The following ERBB4 variants were observed in gnomAD, a reference collection of about 807,000 sequenced individuals.
ERBB4 encodes erb-b2 receptor tyrosine kinase 4, also known as receptor tyrosine-protein kinase erbB-4.
ERBB4 carries 42 observed loss-of-function variants against 158.0 expected under a neutral mutation model. The observed-to-expected ratio is 0.27, with a 90% CI of 0.21 to 0.34. The LOEUF (loss-of-function observed/expected upper bound fraction) is 0.34. ERBB4 is among the 10% of genes least tolerant of loss of function. The pLI is 1.00. For synonymous variants in ERBB4, 583 were observed against 558.7 expected (o/e 1.04, Z -0.61); for missense variants, 1,333 against 1,624.1 (o/e 0.82, Z 3.08).
Position 212,015,044 on chromosome 2 carries a change from ATATATAT to A in ERBB4, c.235-67435_235-67429del, listed in dbSNP as rs2076485144. 1.2e-3 allele frequency among the ~76,000 whole-genome samples: 5 copies of A among 4,114 alleles called. 1 individual carries two copies. The highest frequency in any genetic ancestry group is 3.4e-3 in the African/African-American group (5 of 1,490). The allele number at this position is 4,114 out of a possible 152,430, so 2.7% of individuals were successfully genotyped here. ...CGTCTCTACTAAAAAAAAAAAAAAT[ATATATAT>A]ATATATATATATATATATATATATA... On this transcript the variant is annotated intron_variant, in intron 2 of 27. Transcript: ENST00000342788.
At chr2:211,727,605 T>C (rs1269184955) in intron 5 of ERBB4, among the ~76,000 whole-genome samples, 3 of 152,044 alleles carry the variant, frequency 2.0e-5, no homozygotes, top group South Asian at 2.1e-4. Context: ...AAGAGACAAA[T>C]ATTAAAATAC....
intron 3 of ERBB4, among the ~76,000 whole-genome samples, chr2:211,812,274 G>T (rs1033805270): frequency 6.6e-6 from 1 of 152,084 alleles, no homozygotes; most frequent in African/African-American, 2.4e-5. Flanking sequence ...TTTCCAACAG[G>T]TCCCTCAGCT....
chr2:211,872,377 G>T (rs1188217670), intron 3 of ERBB4, among the ~76,000 whole-genome samples: 1 of 152,132 alleles, frequency 6.6e-6, no homozygotes, highest in Admixed American at 6.6e-5. Flanking sequence ...CCTATGTATG[G>T]TTTTGAGTGG....
intron 1 of ERBB4, among the ~76,000 whole-genome samples, chr2:212,206,697 C>T (rs2082766934): frequency 6.6e-6 from 1 of 151,440 alleles, no homozygotes. Flanking sequence ...CGCCATTCTC[C>T]TGCCTCAGCC....
At chr2:211,390,256 C>T (rs2062773604) in intron 25 of ERBB4, among the ~76,000 whole-genome samples, 1 of 152,148 alleles carries the variant, frequency 6.6e-6, no homozygotes, top group South Asian at 2.1e-4. Flanking sequence ...GCAATACCAC[C>T]ATATATTAAG....
At chr2:211,743,496 A>G (rs1249078304) in intron 5 of ERBB4, among the ~76,000 whole-genome samples, 1 of 152,216 alleles carries the variant, frequency 6.6e-6, no homozygotes, top group Non-Finnish European at 1.5e-5. Context: ...TATCTACTTT[A>G]AATGAGATAA....
intron 1 of ERBB4, among the ~76,000 whole-genome samples, chr2:212,254,922 A>G (rs1022596488): frequency 6.6e-6 from 1 of 152,212 alleles, no homozygotes; most frequent in East Asian, 1.9e-4. Flanking sequence ...GAGAAAGTCT[A>G]ACTTTTTCAA....
intron 1 of ERBB4, among the ~76,000 whole-genome samples, chr2:212,313,114 A>C (rs2221461): frequency 0.78 from 117,860 of 150,584 alleles, 48,391 homozygotes; most frequent in Non-Finnish European, 0.9. Flanking sequence ...AAATATATCC[A>C]ATTTGGATAC....
chr2:212,509,833 ATTAAG>A (rs1691407272), intron 1 of ERBB4, among the ~76,000 whole-genome samples: 3 of 151,962 alleles, frequency 2.0e-5, no homozygotes, highest in Non-Finnish European at 2.9e-5. Flanking sequence ...GTTTCTATGT[ATTAAG>A]TTATGATATG....
At chr2:212,238,605 A>T (rs950875235) in intron 1 of ERBB4, among the ~76,000 whole-genome samples, 1 of 152,198 alleles carries the variant, frequency 6.6e-6, no homozygotes, top group Admixed American at 6.5e-5. Flanking sequence ...TGAAAACTAT[A>T]TATTATATTA....
At chr2:211,971,659 T>C (rs2081456187) in intron 2 of ERBB4, among the ~76,000 whole-genome samples, 1 of 152,166 alleles carries the variant, frequency 6.6e-6, no homozygotes, top group African/African-American at 2.4e-5. Context: ...AATGAAATAC[T>C]AGCAAACTAA....
chr2:211,609,452 G>A (rs1220091173), intron 19 of ERBB4, among the ~76,000 whole-genome samples: 2 of 152,096 alleles, frequency 1.3e-5, no homozygotes, highest in Non-Finnish European at 2.9e-5. Flanking sequence ...ATTTCCATAA[G>A]TCTGGCTATA....
At chr2:211,571,038 CTTCTTTTT>C (rs2067711425) in intron 19 of ERBB4, among the ~76,000 whole-genome samples, 2 of 58,736 alleles carry the variant, frequency 3.4e-5, no homozygotes, top group Non-Finnish European at 6.1e-5. Context: ...GAGTACTCTT[CTTCTTTTT>C]TTTTTTTTTT....
At chr2:211,812,105 C>T (rs555334584) in intron 3 of ERBB4, among the ~76,000 whole-genome samples, 18 of 152,290 alleles carry the variant, frequency 1.2e-4, no homozygotes, top group South Asian at 4.1e-4. Flanking sequence ...GGAGAAGACG[C>T]GCTCTGCTTT....
At chr2:212,351,539 A>ATCAT in intron 1 of ERBB4, among the ~76,000 whole-genome samples, 1 of 152,218 alleles carries the variant, frequency 6.6e-6, no homozygotes, top group Non-Finnish European at 1.5e-5. Context: ...ATTTGAGTTG[A>ATCAT]TCATTCCCCA....
intron 1 of ERBB4, among the ~76,000 whole-genome samples, chr2:212,529,187 C>T (rs1297572649): frequency 6.6e-6 from 1 of 152,092 alleles, no homozygotes; most frequent in African/African-American, 2.4e-5. Context: ...GAAATACACA[C>T]TGGTGGATCA....
At position 211,379,762 on chromosome 2, in the gene ERBB4, A is replaced by G. The variant is rs1574495826; in HGVS notation, c.*3853T>C. On this transcript the variant is annotated 3_prime_UTR_variant, in exon 28 of 28. Coordinates refer to ENST00000342788, the MANE Select transcript of ERBB4 (RefSeq NM_005235.3). Reference sequence around the variant, plus strand: ...TACATATACTAGTTAAATTATCAACAATTACAGATGGATGAATAATTCCAG... The same window carrying G: ...TACATATACTAGTTAAATTATCAACGATTACAGATGGATGAATAATTCCAG... 4.3e-6 allele frequency: 1 copy of G among 232,154 alleles called. No homozygotes were observed. The highest frequency in any genetic ancestry group is 6.1e-5 in the East Asian group (1 of 16,376). 14.4% of individuals were successfully genotyped at this position (232,154 alleles called of 1,614,324 possible). A position where few individuals can be genotyped will look rare whatever the true frequency, so the allele number is the denominator to read the frequency against.
intron 2 of ERBB4, among the ~76,000 whole-genome samples, chr2:211,952,437 T>G (rs1055650443): frequency 6.6e-6 from 1 of 152,126 alleles, no homozygotes; most frequent in Non-Finnish European, 1.5e-5. Context: ...TTATAATGTC[T>G]GATAAGGCCA....
chr2:211,763,086 C>T (rs371882399), intron 4 of ERBB4, among the ~76,000 whole-genome samples: 19 of 151,994 alleles, frequency 1.3e-4, no homozygotes, highest in East Asian at 1.9e-4. Context: ...GACATGAGAA[C>T]GGTTTGGTCT....
Sources: allele counts gnomAD v4.1 joint callset (sites outside exome capture counted in the v4.1 genomes callset), GRCh38; gene constraint gnomAD v4.1.1; transcripts MANE v1.5; gene names NCBI Gene and HGNC (gene_info 2026-07-23, HGNC 2026-07-21).